TATDN1: variants seen among roughly 807,000 people sequenced by gnomAD.
TATDN1 encodes the protein deoxyribonuclease TATDN1.
A neutral mutation model predicts 46.4 loss-of-function variants in TATDN1; 40 were observed. That is an observed-to-expected ratio of 0.86 (90% CI 0.67 to 1.12). TATDN1 has a LOEUF of 1.12. TATDN1 is among the 50% of genes most tolerant of loss of function. The pLI, the probability that TATDN1 is intolerant of heterozygous loss-of-function variation, is 0.00. For missense variants in TATDN1, 326 were observed against 348.4 expected (o/e 0.94, Z 0.51); for synonymous variants, 95 against 105.6 (o/e 0.90, Z 0.62).
chr8:124,502,153 T>C lies in TATDN1; in HGVS notation c.593+2118A>G, dbSNP rs551109924. On this transcript the variant is annotated intron_variant, in intron 9 of 11. Transcript: ENST00000276692. Reference sequence around the variant, plus strand: ...GTCGAGACCATCCCGGCTAACACAGTGAATCCCTGTCTCTACTAAAAATAC... The same window carrying C: ...GTCGAGACCATCCCGGCTAACACAGCGAATCCCTGTCTCTACTAAAAATAC... Among the ~76,000 whole-genome samples, 12 of 151,956 alleles carry C rather than the reference T, an allele frequency of 7.9e-5. No homozygotes were observed. In the East Asian group the frequency reaches 1.7e-3, roughly 22 times the overall value.
At chr8:124,495,599 C>T (rs1817397721) in intron 9 of TATDN1, 57 bp from the exon 10 acceptor site, 1 of 1,330,168 alleles carries the variant, frequency 7.5e-7, no homozygotes, top group Middle Eastern at 1.8e-4. Flanking sequence ...TACCTTTTTT[C>T]GTATCACAAC....
intron 11 of TATDN1, 79 bp downstream of exon 11, chr8:124,493,754 C>T: frequency 1.3e-6 from 2 of 1,495,508 alleles, no homozygotes; most frequent in Non-Finnish European, 8.9e-7. Context: ...AATTTTAATT[C>T]TGTCCCTTGC....
At chr8:124,500,305 A>G (rs1817844350) in intron 9 of TATDN1, among the ~76,000 whole-genome samples, 1 of 152,272 alleles carries the variant, frequency 6.6e-6, no homozygotes. Context: ...ATCCACTTTA[A>G]TAAATGACTA....
chr8:124,502,917 T>G (rs1818100078), intron 9 of TATDN1, among the ~76,000 whole-genome samples: 1 of 152,058 alleles, frequency 6.6e-6, no homozygotes, highest in Non-Finnish European at 1.5e-5. Flanking sequence ...GGTGGGAGGG[T>G]TGCTTGAGCC....
At position 124,531,132 on chromosome 8, in the gene TATDN1, G is replaced by A. The variant is rs764867718; in HGVS notation, c.22+7893C>T. Among the ~76,000 whole-genome samples, 3 of 152,256 alleles carry A rather than the reference G, an allele frequency of 2.0e-5. No homozygotes were observed. The South Asian group carries it at 6.2e-4, about 32-fold the overall frequency. On this transcript the variant is annotated intron_variant, in intron 1 of 11. Coordinates refer to ENST00000276692, the MANE Select transcript of TATDN1 (RefSeq NM_032026.4). ...ATGGCCTGTTGGGAAGCTGTAAAAAGATTCTACAACTTGCAGTGACTGATC... is the reference window on the plus strand; with the variant it reads ...ATGGCCTGTTGGGAAGCTGTAAAAAAATTCTACAACTTGCAGTGACTGATC...
intron 9 of TATDN1, among the ~76,000 whole-genome samples, chr8:124,500,675 C>G (rs1388936576): frequency 6.7e-6 from 1 of 149,254 alleles, no homozygotes; most frequent in Non-Finnish European, 1.5e-5. Flanking sequence ...GAGTGAGACC[C>G]TGTCTCAAAA....
chr8:124,518,894 G>C lies in TATDN1; in HGVS notation c.139-13C>G, dbSNP rs1819789216. The C allele has an allele frequency of 6.3e-7, 1 of 1,581,084 alleles. No individual in the cohort carries two copies. On this transcript the variant is annotated splice_polypyrimidine_tract_variant and intron_variant, in intron 3 of 11. Transcript: ENST00000276692. The stretch of plus-strand genomic sequence containing the variant: ...CTGTAATCATAAACTGAAATAGAAA[G>C]AAAATAAAATAAGCTGACTTTAATA...
intron 9 of TATDN1, among the ~76,000 whole-genome samples, chr8:124,500,256 AGAT>A (rs2131376739): frequency 1.3e-5 from 2 of 152,358 alleles, no homozygotes; most frequent in South Asian, 4.1e-4. Flanking sequence ...ACTCAGATTA[AGAT>A]GATAATGAAT....
intron 6 of TATDN1, among the ~76,000 whole-genome samples, chr8:124,511,209 A>G (rs1278794056): frequency 6.6e-6 from 1 of 152,226 alleles, no homozygotes; most frequent in African/African-American, 2.4e-5. Flanking sequence ...TGCTTCTTAC[A>G]GTTGAGGTTT....
rs199887656 is a variant in TATDN1, at chr8:124,539,064, C to G, written c.-18G>C. ...CGACTCATGACTGCGCATGGAGGAC[C>G]TCCCCAGCGGAAGCGGAAGTGGCCG... On this transcript the variant is annotated 5_prime_UTR_variant, in exon 1 of 12. Transcript: ENST00000276692. The G allele has an allele frequency of 7.4e-5, 120 of 1,612,532 alleles. No individual in the cohort carries two copies. The highest frequency in any genetic ancestry group is 1.0e-4 in the Non-Finnish European group (118 of 1,178,714).
intron 1 of TATDN1, among the ~76,000 whole-genome samples, chr8:124,530,351 C>G (rs779043851): frequency 6.6e-6 from 1 of 152,140 alleles, no homozygotes; most frequent in African/African-American, 2.4e-5. Context: ...AAGTTGTTGG[C>G]AAATCCAGCA....
chr8:124,507,219 A>T (rs530213391), intron 8 of TATDN1, among the ~76,000 whole-genome samples: 2 of 152,242 alleles, frequency 1.3e-5, no homozygotes, highest in East Asian at 3.9e-4. Context: ...GATAGTATTT[A>T]TGGGAAATGT....
At chr8:124,529,816 G>A (rs1820803232) in intron 1 of TATDN1, among the ~76,000 whole-genome samples, 1 of 152,188 alleles carries the variant, frequency 6.6e-6, no homozygotes, top group Non-Finnish European at 1.5e-5. Flanking sequence ...GGTAGGCCGG[G>A]TGCAGTGGCT....
At chr8:124,534,885 C>T (rs752884436) in intron 1 of TATDN1, among the ~76,000 whole-genome samples, 7 of 152,140 alleles carry the variant, frequency 4.6e-5, no homozygotes, top group Non-Finnish European at 1.0e-4. Flanking sequence ...GAGCAGCTCA[C>T]GGAACTCAGG....
intron 10 of TATDN1, chr8:124,494,266 G>GT (rs546480395): frequency 2.2e-3 from 382 of 175,318 alleles, no homozygotes; most frequent in Middle Eastern, 4.7e-3. Context: ...AAGTTAAACA[G>GT]TTTTTTTTTC....
chr8:124,518,517 C>G (rs1819725240), intron 4 of TATDN1, among the ~76,000 whole-genome samples: 1 of 145,384 alleles, frequency 6.9e-6, no homozygotes, highest in African/African-American at 2.7e-5. Flanking sequence ...GAGTGAGACT[C>G]CGTCTCAAAA....
intron 4 of TATDN1, 77 bp downstream of exon 4, chr8:124,518,741 C>T: frequency 2.0e-6 from 2 of 999,298 alleles, no homozygotes; most frequent in Non-Finnish European, 1.6e-6. Context: ...TTGTATTGTA[C>T]CTGAAGCAGT....
rs560183654 is a variant in TATDN1 at position 124,488,599 on chromosome 8, T to G, written c.889A>C (p.Ile297Leu). 2 of 1,494,628 alleles carry G rather than the reference T, an allele frequency of 1.3e-6. No individual in the cohort carries two copies. The highest frequency in any genetic ancestry group is 1.9e-6 in the Non-Finnish European group (2 of 1,080,704). 92.6% of individuals were successfully genotyped at this position (1,494,628 alleles called of 1,614,324 possible). A position where few individuals can be genotyped will look rare whatever the true frequency, so the allele number is the denominator to read the frequency against. ...NNTIKVFFPG[I>L] The stretch of plus-strand genomic sequence containing the variant: ...AAGTGGAAGACATATACCAATTATA[T>G]TCCAGGAAAAAATACTTTAATAGTA... The change falls in exon 12 of 12, where the codon ATA becomes CTA. Residue 297 changes from isoleucine to leucine, a missense_variant. Coordinates refer to ENST00000276692, the MANE Select transcript of TATDN1 (RefSeq NM_032026.4).
chr8:124,536,727 A>T (rs1821456657), intron 1 of TATDN1, among the ~76,000 whole-genome samples: 1 of 152,194 alleles, frequency 6.6e-6, no homozygotes, highest in Non-Finnish European at 1.5e-5. Context: ...AGCTTGTTCC[A>T]GGGATTTAAT....
Sources: gnomAD v4.1 joint callset for allele counts (sites outside exome capture counted in the v4.1 genomes callset) on GRCh38, gnomAD v4.1.1 for gene constraint, MANE v1.5 for transcripts, NCBI Gene and HGNC (gene_info 2026-07-23, HGNC 2026-07-21) for gene names.